The following CPVL variants were observed in gnomAD, a reference collection of about 807,000 sequenced individuals.
CPVL encodes the protein probable serine carboxypeptidase CPVL.
In CPVL, 51 loss-of-function variants were observed where a neutral mutation model predicts 63.7. The observed-to-expected ratio is 0.80, with a 90% confidence interval of 0.64 to 1.01. The LOEUF is 1.01. CPVL is among the 50% of genes least tolerant of loss of function. The pLI is 0.00. For missense variants in CPVL, 530 were observed against 573.1 expected, an observed-to-expected ratio of 0.92 and a Z score of 0.77; for synonymous variants, 195 against 206.0, an observed-to-expected ratio of 0.95 and a Z score of 0.46.
chr7:29,190,394 A>G (rs1359117071), intron 1 of CPVL, among the ~76,000 whole-genome samples: 5 of 152,206 alleles, frequency 3.3e-5, no homozygotes, highest in Non-Finnish European at 2.9e-5. Context: ...AGGGAAAGGG[A>G]ATGACCTTCA....
chr7:29,113,180 C>A (rs144897768), intron 2 of CPVL, among the ~76,000 whole-genome samples: 40 of 152,078 alleles, frequency 2.6e-4, no homozygotes, highest in African/African-American at 9.4e-4. Context: ...TGGAAAGGAG[C>A]AGGATAAAGT....
chr7:29,044,409 T>C (rs1789418147), intron 11 of CPVL, among the ~76,000 whole-genome samples: 1 of 152,144 alleles, frequency 6.6e-6, no homozygotes, highest in Non-Finnish European at 1.5e-5. Context: ...AGAGTGAGAC[T>C]CTGTCTCAAA....
chr7:29,092,802 C>A, intron 5 of CPVL, 100 bp from the exon 6 acceptor site: 1 of 853,532 alleles, frequency 1.2e-6, no homozygotes. Flanking sequence ...GTTCCAAAGG[C>A]CAAGCTCAGA....
intron 2 of CPVL, among the ~76,000 whole-genome samples, chr7:29,115,131 C>T (rs1026567489): frequency 2.6e-5 from 4 of 152,170 alleles, no homozygotes; most frequent in Non-Finnish European, 5.9e-5. Flanking sequence ...ATTCCGCTAT[C>T]CTGGGCTTTC....
intron 7 of CPVL, among the ~76,000 whole-genome samples, chr7:29,079,165 T>C (rs1027752939): frequency 1.3e-5 from 2 of 152,166 alleles, no homozygotes; most frequent in Admixed American, 6.5e-5. Context: ...GAGAACTTCT[T>C]TTCTGTTTGT....
chr7:29,140,534 G>A (rs114384274), intron 1 of CPVL, among the ~76,000 whole-genome samples: 259 of 152,294 alleles, frequency 1.7e-3, no homozygotes, highest in African/African-American at 6.0e-3. Context: ...ATGCAGTTCT[G>A]TGCCCCACTA....
chr7:29,122,377 G>A (rs146115910), intron 1 of CPVL: 1 of 152,344 alleles, frequency 6.6e-6, no homozygotes, highest in African/African-American at 2.4e-5. Context: ...AACCTAACAG[G>A]ATTCTCACTG....
chr7:29,007,116 C>T (rs1349618948), intron 12 of CPVL, among the ~76,000 whole-genome samples: 2 of 152,186 alleles, frequency 1.3e-5, no homozygotes, highest in Non-Finnish European at 2.9e-5. Context: ...AAATGGCTCT[C>T]TGTTAAATTT....
chr7:29,052,817 G>A (rs1195849591), intron 11 of CPVL, among the ~76,000 whole-genome samples: 6 of 152,160 alleles, frequency 3.9e-5, no homozygotes, highest in Non-Finnish European at 8.8e-5. Flanking sequence ...GCTGAGGCAG[G>A]AGAATTGCTT....
chr7:29,189,483 A>T (rs954137597), intron 1 of CPVL, among the ~76,000 whole-genome samples: 5 of 152,190 alleles, frequency 3.3e-5, no homozygotes, highest in African/African-American at 1.2e-4. Flanking sequence ...TTTTGCCCAG[A>T]GCAGGCTTAC....
Position 29,071,818 on chromosome 7 carries a change from T to C in CPVL, c.819A>G (p.Glu273=), listed in dbSNP as rs1783770771. 1 of 1,599,716 alleles carries C rather than the reference T, an allele frequency of 6.3e-7. No homozygotes were observed. The change falls in exon 9 of 13, where the codon GAA becomes GAG. Residue 273 remains glutamate, a synonymous_variant. Transcript: ENST00000265394. The part of the protein sequence containing the change: ...QKKYFQKQCH[E]CIEHIRKQNW... ...TCTGCTTCCTGATGTGTTCTATGCA[T>C]TCATGGCACTGCTTCTGGAAGTACT...
chr7:29,134,936 C>T (rs1243491467), intron 1 of CPVL, among the ~76,000 whole-genome samples: 27 of 151,774 alleles, frequency 1.8e-4, no homozygotes, highest in Admixed American at 1.7e-3. Flanking sequence ...TTCATTTCTA[C>T]AAAAAAGGTT....
chr7:29,004,855 T>C (rs886979606), intron 12 of CPVL, among the ~76,000 whole-genome samples: 3 of 152,232 alleles, frequency 2.0e-5, no homozygotes, highest in Admixed American at 1.3e-4. Context: ...TATAAAATGA[T>C]GCAGGGCATC....
intron 9 of CPVL, 24 bp downstream of exon 9, chr7:29,071,749 C>T (rs770884548): frequency 2.1e-6 from 2 of 932,384 alleles, no homozygotes; most frequent in East Asian, 6.0e-5. Flanking sequence ...TGCTCAAGGG[C>T]AGCACAGGGC....
chr7:29,056,954 T>TC (rs1356830437), intron 11 of CPVL, among the ~76,000 whole-genome samples: 3 of 145,888 alleles, frequency 2.1e-5, no homozygotes, highest in Admixed American at 6.8e-5. Context: ...CTTTTCTTTT[T>TC]TTTTTTTTTT....
At chr7:29,056,847 G>T (rs1017821303) in intron 11 of CPVL, among the ~76,000 whole-genome samples, 25 of 151,904 alleles carry the variant, frequency 1.6e-4, no homozygotes, top group Non-Finnish European at 3.2e-4. Context: ...AGTGTTGTCA[G>T]TATTTTGGAT....
At chr7:29,094,988 A>T (rs906789988) in intron 5 of CPVL, 96 bp downstream of exon 5, 1 of 888,114 alleles carries the variant, frequency 1.1e-6, no homozygotes, top group Non-Finnish European at 1.8e-6. Context: ...CAAAAGGAAA[A>T]ACGAAATCTA....
intron 12 of CPVL, among the ~76,000 whole-genome samples, chr7:29,015,968 G>A (rs1184417916): frequency 1.3e-5 from 2 of 152,146 alleles, no homozygotes; most frequent in Non-Finnish European, 2.9e-5. Context: ...GTGGTAGACC[G>A]TGGCCTGAGA....
At chr7:29,178,261 A>ATC (rs1374054133) in intron 5 of CPVL, among the ~76,000 whole-genome samples, 7 of 152,154 alleles carry the variant, frequency 4.6e-5, no homozygotes, top group African/African-American at 1.7e-4. Context: ...AGAACATGTT[A>ATC]TCCCCTTCCT....
Sources: gnomAD v4.1 joint callset for allele counts (sites outside exome capture counted in the v4.1 genomes callset) on GRCh38, gnomAD v4.1.1 for gene constraint, MANE v1.5 for transcripts, NCBI Gene and HGNC (gene_info 2026-07-23, HGNC 2026-07-21) for gene names.